KIAA1671: variants seen among roughly 807,000 people sequenced by gnomAD.
KIAA1671 encodes the protein KIAA1671, also known as uncharacterized protein KIAA1671.
KIAA1671 carries 52 observed loss-of-function variants against 131.2 expected under a neutral mutation model. The ratio of observed to expected loss-of-function variants is 0.40; its 90% CI spans 0.32 to 0.50. The LOEUF (loss-of-function observed/expected upper bound fraction) is 0.50, where lower values mean the gene tolerates loss of function less well. Among genes scored for constraint, KIAA1671 ranks in the 20% least tolerant of loss-of-function variants. The pLI, the probability that KIAA1671 is intolerant of heterozygous loss-of-function variation, is 0.73. For missense variants in KIAA1671, 2,360 were observed against 2,364.2 expected (o/e 1.00, Z 0.04); for synonymous variants, 1,003 against 961.6 (o/e 1.04, Z -0.80).
chr22:25,179,001 CCACCGCCCTGGGTTTACCACGGT>C lies in KIAA1671; in HGVS notation c.5074+1487_5074+1509del, dbSNP rs544793194. Among the ~76,000 whole-genome samples the C allele has an allele frequency of 5.6e-4, 86 of 152,356 alleles. No individual in the cohort carries two copies. The East Asian group carries it at 9.9e-3, about 18-fold the overall frequency. On this transcript the variant is annotated intron_variant, in intron 9 of 12. Coordinates refer to ENST00000358431, the MANE Select transcript of KIAA1671 (RefSeq NM_001145206.2). ...CAGCGTAAGGACCCGCGATCCCACGCCACCGCCCTGGGTTTACCACGGTCACCGCCACCTCTCTCACAGGGCCC... is the reference window on the plus strand; with the variant it reads ...CAGCGTAAGGACCCGCGATCCCACGCCACCGCCACCTCTCTCACAGGGCCC...
intron 6 of KIAA1671, among the ~76,000 whole-genome samples, chr22:25,139,717 G>T (rs1196081221): frequency 2.6e-5 from 4 of 152,208 alleles, no homozygotes; most frequent in Non-Finnish European, 4.4e-5. Context: ...ATAGGCATGG[G>T]TTTTGGGGGA....
chr22:25,006,314 G>C (rs1924750224), intron 1 of KIAA1671, among the ~76,000 whole-genome samples: 1 of 152,106 alleles, frequency 6.6e-6, no homozygotes. Flanking sequence ...TTACAGATGT[G>C]AGCCACTGTA....
In KIAA1671 at chr22:25,040,404, C is replaced by T. The variant is rs1602090247; in HGVS notation, c.3274C>T (p.Arg1092Ter). ...MAGSKNWMKG[R>*]EHENASILKT... Reference sequence around the variant, plus strand: ...AGGCAGTAAAAACTGGATGAAGGGACGAGAGCATGAAAATGCAAGCATTTT... The same window carrying T: ...AGGCAGTAAAAACTGGATGAAGGGATGAGAGCATGAAAATGCAAGCATTTT... Residue 1092 changes from arginine to a stop codon, truncating the protein, a stop_gained, in exon 5 of 13, where the codon CGA becomes TGA. Coordinates refer to ENST00000358431, the MANE Select transcript of KIAA1671 (RefSeq NM_001145206.2). LOFTEE classifies it high-confidence loss of function. The T allele has an allele frequency of 3.2e-6, 5 of 1,551,940 alleles. No individual in the cohort carries two copies. The highest frequency in any genetic ancestry group is 2.4e-5 in the South Asian group (2 of 84,066).
At chr22:25,186,311 C>G (rs905991135) in intron 11 of KIAA1671, 4 of 152,220 alleles carry the variant, frequency 2.6e-5, no homozygotes, top group African/African-American at 7.2e-5. Context: ...GTCTATAGTC[C>G]CAGGACTTTG....
chr22:25,112,059 C>T, intron 6 of KIAA1671: 1 of 397,452 alleles, frequency 2.5e-6, no homozygotes, highest in East Asian at 3.6e-5. Flanking sequence ...ATTTTTTTTC[C>T]TCCAAGCAAG....
At chr22:24,965,444 A>G (rs73157949) in intron 1 of KIAA1671, among the ~76,000 whole-genome samples, 11 of 151,728 alleles carry the variant, frequency 7.2e-5, no homozygotes, top group Non-Finnish European at 1.3e-4. Context: ...CCTCCCCCAT[A>G]AAAAGATGAG....
At chr22:25,148,055 CT>C (rs80261518) in intron 6 of KIAA1671, among the ~76,000 whole-genome samples, 8,432 of 135,350 alleles carry the variant, frequency 0.062, 802 homozygotes, top group African/African-American at 0.22. Flanking sequence ...TCTCTTCTCT[CT>C]TTTTTTTTCT....
Position 25,028,878 on chromosome 22 carries a change from C to G in KIAA1671, c.879C>G (p.Asn293Lys). ...LSMDLTARFENKEALLRKVAD... is the reference protein window; with the variant it reads ...LSMDLTARFEKKEALLRKVAD... ...TGGACCTCACGGCCCGGTTTGAGAACAAAGAGGCCTTGCTGAGGAAGGTGG... is the reference window on the plus strand; with the variant it reads ...TGGACCTCACGGCCCGGTTTGAGAAGAAAGAGGCCTTGCTGAGGAAGGTGG... The change falls in exon 3 of 13, where the codon AAC becomes AAG. Residue 293 changes from asparagine (N) to lysine (K), a missense_variant. Coordinates refer to ENST00000358431, the MANE Select transcript of KIAA1671 (RefSeq NM_001145206.2). The G allele has an allele frequency of 3.2e-6, 5 of 1,551,358 alleles. No individual in the cohort carries two copies. Among genetic ancestry groups the G allele is most frequent in the Middle Eastern group, 3.3e-4 (2 of 5,992 alleles).
chr22:25,023,410 G>A (rs1925778978), intron 1 of KIAA1671: 1 of 152,080 alleles, frequency 6.6e-6, no homozygotes, highest in African/African-American at 2.4e-5. Context: ...TAGTGGACAT[G>A]TCCACCCCAA....
intron 6 of KIAA1671, among the ~76,000 whole-genome samples, chr22:25,101,947 C>T (rs895223575): frequency 6.6e-6 from 1 of 152,142 alleles, no homozygotes; most frequent in South Asian, 2.1e-4. Context: ...CCCAGAGGTG[C>T]CCCCTGCCCC....
chr22:25,057,455 G>GTC (rs1417388125), intron 6 of KIAA1671: 1 of 152,236 alleles, frequency 6.6e-6, no homozygotes, highest in Non-Finnish European at 1.5e-5. Flanking sequence ...GCGTGCGCGC[G>GTC]TCCCCTGGTG....
At chr22:24,995,152 G>A (rs1045379642) in intron 1 of KIAA1671, among the ~76,000 whole-genome samples, 12 of 150,900 alleles carry the variant, frequency 8.0e-5, no homozygotes, top group East Asian at 5.9e-4. Flanking sequence ...CCGGGTTCAC[G>A]CCATTCTCCT....
At chr22:25,045,345 A>G (rs1458442411) in intron 5 of KIAA1671, among the ~76,000 whole-genome samples, 6 of 152,126 alleles carry the variant, frequency 3.9e-5, no homozygotes, top group African/African-American at 1.2e-4. Context: ...TGTTGTTGTC[A>G]CACCCTGGGA....
At chr22:25,026,122 T>G (rs1359987248) in intron 2 of KIAA1671, among the ~76,000 whole-genome samples, 2 of 152,124 alleles carry the variant, frequency 1.3e-5, no homozygotes, top group African/African-American at 4.8e-5. Flanking sequence ...TTCTCCAGTT[T>G]GGGGAGATGG....
intron 6 of KIAA1671, among the ~76,000 whole-genome samples, chr22:25,071,657 C>T (rs1455685807): frequency 7.9e-6 from 1 of 126,870 alleles, no homozygotes; most frequent in Non-Finnish European, 1.8e-5. Context: ...CCTTGATGTG[C>T]CTGGCTGCGT....
intron 1 of KIAA1671, among the ~76,000 whole-genome samples, chr22:24,956,674 G>A (rs1921717002): frequency 6.6e-6 from 1 of 152,096 alleles, no homozygotes; most frequent in Non-Finnish European, 1.5e-5. Flanking sequence ...AGACCATCCT[G>A]GCTAACACGG....
intron 6 of KIAA1671, among the ~76,000 whole-genome samples, chr22:25,129,824 A>G (rs1298904552): frequency 6.6e-6 from 1 of 152,162 alleles, no homozygotes; most frequent in Non-Finnish European, 1.5e-5. Context: ...ACCATGCCCA[A>G]CAATTTCCCT....
intron 6 of KIAA1671, among the ~76,000 whole-genome samples, chr22:25,066,842 A>G (rs573399381): frequency 6.6e-6 from 1 of 152,176 alleles, no homozygotes; most frequent in East Asian, 1.9e-4. Context: ...GTGGGAGGGA[A>G]CAGGTTGGAT....
intron 1 of KIAA1671, chr22:25,011,164 A>G (rs1204106630): frequency 6.8e-6 from 1 of 146,400 alleles, no homozygotes; most frequent in Non-Finnish European, 1.5e-5. Context: ...TTTTTTTGAG[A>G]CGAAGTCTCA....
Sources: allele counts gnomAD v4.1 joint callset (sites outside exome capture counted in the v4.1 genomes callset), GRCh38; gene constraint gnomAD v4.1.1; transcripts MANE v1.5; gene names NCBI Gene and HGNC (gene_info 2026-07-23, HGNC 2026-07-21).